ZNF106: variants seen among roughly 807,000 people sequenced by gnomAD.
ZNF106 encodes SH3-domain binding protein 3.
In ZNF106, 67 loss-of-function variants were observed where a neutral mutation model predicts 195.1. The ratio of observed to expected loss-of-function variants is 0.34; its 90% CI spans 0.28 to 0.42. The LOEUF is 0.42. Among genes scored for constraint, ZNF106 ranks in the 10% least tolerant of loss-of-function variants. The probability of loss-of-function intolerance (pLI) is 1.00; values close to 1 mark genes in which losing one functional copy is unlikely to be tolerated. For missense variants in ZNF106, 2,118 were observed against 2,304.5 expected (o/e 0.92, Z 1.66); for synonymous variants, 784 against 818.6 (o/e 0.96, Z 0.72).
In ZNF106 at chr15:42,444,112, CAAAAAAAAAAA is replaced by C. The variant is rs58966014; in HGVS notation, c.3421+79_3421+89del. ...GGGAAATAGAGCAAGACTCTGTCTC[CAAAAAAAAAAA>C]AAAAAAAAAAAAAAAGCAGAGAAAA... On this transcript the variant is annotated intron_variant, in intron 9 of 21. Coordinates refer to ENST00000564754, the MANE Select transcript of ZNF106 (RefSeq NM_001366845.3). 41 of 248,920 alleles carry C rather than the reference CAAAAAAAAAAA, an allele frequency of 1.6e-4. No homozygotes were observed. The East Asian group carries it at 1.7e-3, about 10-fold the overall frequency. The allele number at this position is 248,920 out of a possible 1,614,324, so 15.4% of individuals were successfully genotyped here. A position where few individuals can be genotyped will look rare whatever the true frequency, so the allele number is the denominator to read the frequency against.
At position 42,472,217 on chromosome 15, in the gene ZNF106, CTCCCTCT is replaced by C. The variant is rs1427541586; in HGVS notation, c.54+12_54+18del. The C allele has an allele frequency of 1.3e-6, 2 of 1,531,892 alleles. No individual in the cohort carries two copies. Among genetic ancestry groups the C allele is most frequent in the African/African-American group, 2.7e-5 (2 of 72,870 alleles). The allele number at this position is 1,531,892 out of a possible 1,614,324, so 94.9% of individuals were successfully genotyped here. ...AAAAATAGTCATAAAGCCTCAGATTCTCCCTCTTCCATTATTACCTTTTTTGAGCTGT... is the reference window on the plus strand; with the variant it reads ...AAAAATAGTCATAAAGCCTCAGATTCTCCATTATTACCTTTTTTGAGCTGT... On this transcript the variant is annotated intron_variant, in intron 2 of 21. Transcript: ENST00000564754.
At chr15:42,452,024 C>A (rs769663982) in intron 4 of ZNF106, 70 bp from the exon 5 acceptor site, 57 of 1,497,962 alleles carry the variant, frequency 3.8e-5, no homozygotes, top group Non-Finnish European at 5.1e-5. Context: ...GCATAACCCA[C>A]CAAACTTCCC....
At chr15:42,484,099 A>G (rs2056960330) in intron 1 of ZNF106, among the ~76,000 whole-genome samples, 1 of 152,310 alleles carries the variant, frequency 6.6e-6, no homozygotes, top group Non-Finnish European at 1.5e-5. Context: ...TCATACATAA[A>G]AATAGAAGGC....
intron 7 of ZNF106, 74 bp from the exon 8 acceptor site, chr15:42,445,055 C>T: frequency 6.5e-7 from 1 of 1,532,274 alleles, no homozygotes; most frequent in Non-Finnish European, 8.9e-7. Flanking sequence ...GAAGACTAAA[C>T]TATACCCATT....
At chr15:42,485,997 C>T (rs1222324519) in intron 1 of ZNF106, among the ~76,000 whole-genome samples, 2 of 143,834 alleles carry the variant, frequency 1.4e-5, no homozygotes, top group Non-Finnish European at 3.0e-5. Flanking sequence ...CTCGCTCTGT[C>T]GCCAGGCTGG....
intron 14 of ZNF106, among the ~76,000 whole-genome samples, chr15:42,434,194 ACT>A (rs1159422893): frequency 6.6e-6 from 1 of 151,882 alleles, no homozygotes; most frequent in East Asian, 1.9e-4. Flanking sequence ...TGGATCAGAA[ACT>A]CTGGCAAGGG....
chr15:42,483,516 A>T (rs1403008897), intron 1 of ZNF106, among the ~76,000 whole-genome samples: 1 of 152,186 alleles, frequency 6.6e-6, no homozygotes, highest in Non-Finnish European at 1.5e-5. Context: ...CGGTGCCTCC[A>T]TCTAAACATA....
chr15:42,439,429 C>G lies in ZNF106; in HGVS notation c.4148G>C (p.Ser1383Thr), dbSNP rs2055413748. 1 of 1,613,944 alleles carries G rather than the reference C, an allele frequency of 6.2e-7. No homozygotes were observed. The highest frequency in any genetic ancestry group is 8.5e-7 in the Non-Finnish European group (1 of 1,179,998). ...KKKKKLRKKK[S>T]LRAAHVPENS... ...CTCAGGAACATGGGCAGCCCGTAGA[C>G]TTTTCTTCTTCCGGAGTTTCTTCTT... The change falls in exon 11 of 22, where the codon AGT becomes ACT. Residue 1383 changes from serine to threonine, a missense_variant. Transcript: ENST00000564754.
chr15:42,434,664 AAATGTAATTTTCT>A (rs1369747264), intron 14 of ZNF106, among the ~76,000 whole-genome samples: 2 of 152,190 alleles, frequency 1.3e-5, no homozygotes, highest in Non-Finnish European at 2.9e-5. Flanking sequence ...ATATAATTTT[AAATGTAATTTTCT>A]CATGTCTTTC....
At chr15:42,446,708 T>A (rs747263113) in intron 6 of ZNF106, 50 bp from the exon 7 acceptor site, 29 of 1,453,816 alleles carry the variant, frequency 2.0e-5, no homozygotes, top group Non-Finnish European at 2.1e-5. Flanking sequence ...AAAGCCATTA[T>A]CCAAGAGGAG....
chr15:42,475,529 T>C (rs2056768082), intron 1 of ZNF106, among the ~76,000 whole-genome samples: 1 of 152,212 alleles, frequency 6.6e-6, no homozygotes, highest in South Asian at 2.1e-4. Flanking sequence ...TGAATGTCAA[T>C]TAGCTACCAA....
At chr15:42,431,023 C>G (rs2055030641) in intron 14 of ZNF106, among the ~76,000 whole-genome samples, 1 of 152,006 alleles carries the variant, frequency 6.6e-6, no homozygotes, top group Non-Finnish European at 1.5e-5. Context: ...TCCCTTTTAG[C>G]AGTGCTTTAG....
chr15:42,433,378 T>G (rs2055132473), intron 14 of ZNF106, among the ~76,000 whole-genome samples: 1 of 152,098 alleles, frequency 6.6e-6, no homozygotes, highest in Non-Finnish European at 1.5e-5. Context: ...GTGCTGGGAT[T>G]ACAGGCGTGA....
intron 1 of ZNF106, among the ~76,000 whole-genome samples, chr15:42,485,906 G>C (rs758389375): frequency 6.6e-6 from 1 of 151,222 alleles, no homozygotes; most frequent in Non-Finnish European, 1.5e-5. Flanking sequence ...TGGGACTGTG[G>C]TCACCCATTG....
chr15:42,417,263 T>G lies in ZNF106; in HGVS notation c.*41A>C, dbSNP rs569025536. 6.2e-7 allele frequency: 1 copy of G among 1,610,702 alleles called. No homozygotes were observed. ...CCTGTGTGGGGGGCCAATGTGAAAATAGTTCAACTAATGACTTCCCAACGT... is the reference window on the plus strand; with the variant it reads ...CCTGTGTGGGGGGCCAATGTGAAAAGAGTTCAACTAATGACTTCCCAACGT... On this transcript the variant is annotated 3_prime_UTR_variant, in exon 22 of 22. Coordinates refer to ENST00000564754, the MANE Select transcript of ZNF106 (RefSeq NM_001366845.3).
At chr15:42,424,557 C>A in intron 16 of ZNF106, 1 of 372,006 alleles carries the variant, frequency 2.7e-6, no homozygotes, top group East Asian at 5.0e-5. Context: ...ACAATCATGG[C>A]TCACTGCAGC....
intron 14 of ZNF106, among the ~76,000 whole-genome samples, chr15:42,432,106 G>A (rs1022070355): frequency 6.6e-6 from 1 of 152,078 alleles, no homozygotes; most frequent in Non-Finnish European, 1.5e-5. Context: ...TATCTTTCGG[G>A]TGTGCTGACT....
chr15:42,443,069 C>T (rs2055616851), intron 9 of ZNF106, among the ~76,000 whole-genome samples: 1 of 152,024 alleles, frequency 6.6e-6, no homozygotes, highest in South Asian at 2.1e-4. Flanking sequence ...GGTTTCACCA[C>T]ATTGCCCAGG....
intron 12 of ZNF106, among the ~76,000 whole-genome samples, chr15:42,438,326 A>G (rs542531373): frequency 7.2e-5 from 11 of 152,256 alleles, no homozygotes; most frequent in African/African-American, 2.6e-4. Context: ...GGGAGGTGGA[A>G]GTTGCAGTGA....
Sources: gnomAD v4.1 joint callset for allele counts (sites outside exome capture counted in the v4.1 genomes callset) on GRCh38, gnomAD v4.1.1 for gene constraint, MANE v1.5 for transcripts, NCBI Gene and HGNC (gene_info 2026-07-23, HGNC 2026-07-21) for gene names.